Variants in MICAL3 observed in about 807,000 individuals in gnomAD.
The protein encoded by MICAL3 is microtubule associated monooxygenase, calponin and LIM domain containing 3, also known as [F-actin]-monooxygenase MICAL3.
In MICAL3, 62 loss-of-function variants were observed where a neutral mutation model predicts 207.4. That is an observed-to-expected ratio of 0.30 (90% CI 0.24 to 0.37). The LOEUF (loss-of-function observed/expected upper bound fraction) is 0.37. MICAL3 is among the 10% of genes least tolerant of loss of function. The probability of loss-of-function intolerance (pLI) is 1.00; values close to 1 mark genes in which losing one functional copy is unlikely to be tolerated. For missense variants in MICAL3, 2,368 were observed against 2,635.6 expected, an observed-to-expected ratio of 0.90 and a Z score of 2.22; for synonymous variants, 1,077 against 1,069.3, an observed-to-expected ratio of 1.01 and a Z score of -0.14.
chr22:17,799,570 C>T (rs563166902), intron 29 of MICAL3, among the ~76,000 whole-genome samples: 1 of 152,358 alleles, frequency 6.6e-6, no homozygotes, highest in East Asian at 1.9e-4. Flanking sequence ...GTCCCCAACC[C>T]AGGAAGCCTA....
intron 20 of MICAL3, among the ~76,000 whole-genome samples, chr22:17,833,393 A>G (rs904899186): frequency 2.0e-5 from 3 of 152,260 alleles, no homozygotes; most frequent in African/African-American, 7.2e-5. Flanking sequence ...AAGAAGCATC[A>G]GGCACGAGAG....
At position 17,851,693 on chromosome 22, in the gene MICAL3, G is replaced by A. The variant is rs57833367; in HGVS notation, c.2606-9676C>T. ...TCCCCAAGAACAAATGGGAACGGCC[G>A]CCTCATGAAAAGGGCAAGTCTACCA... On this transcript the variant is annotated intron_variant, in intron 19 of 31. Coordinates refer to ENST00000441493, the MANE Select transcript of MICAL3 (RefSeq NM_015241.3). 3.0e-3 allele frequency among the ~76,000 whole-genome samples: 456 copies of A among 152,312 alleles called. 4 individuals are homozygous for A. Among genetic ancestry groups the A allele is most frequent in the African/African-American group, 0.011 (441 of 41,554 alleles).
intron 19 of MICAL3, chr22:17,863,930 T>C (rs1430307506): frequency 3.5e-5 from 34 of 985,338 alleles, no homozygotes; most frequent in Non-Finnish European, 4.1e-5. Flanking sequence ...GAGATACATG[T>C]GTTTTGAACA....
chr22:17,961,974 A>G lies in MICAL3; in HGVS notation c.-74-55088T>C, dbSNP rs538856487. On this transcript the variant is annotated intron_variant, in intron 1 of 31. Transcript: ENST00000441493. ...TTTCCTAGGCAAATCCATACAACCT[A>G]TTCCCTAAACATTCAAACTAAGACA... 6.3e-4 allele frequency among the ~76,000 whole-genome samples: 96 copies of G among 152,348 alleles called. 1 individual carries two copies. Among genetic ancestry groups the G allele is most frequent in the African/African-American group, 2.2e-3 (91 of 41,582 alleles).
chr22:17,995,660 C>T (rs1185653009), intron 1 of MICAL3, among the ~76,000 whole-genome samples: 1 of 151,750 alleles, frequency 6.6e-6, no homozygotes. Flanking sequence ...TGTGCAACAC[C>T]CACACCTGGC....
chr22:18,020,222 G>C (rs1250778480), intron 1 of MICAL3: 2 of 152,892 alleles, frequency 1.3e-5, no homozygotes, highest in African/African-American at 4.8e-5. Flanking sequence ...CAAAACCTGA[G>C]GACACTGGGA....
chr22:17,889,366 C>G, intron 12 of MICAL3, 136 bp from the exon 13 acceptor site: 1 of 555,454 alleles, frequency 1.8e-6, no homozygotes, highest in Non-Finnish European at 3.1e-6. Flanking sequence ...CATTTGAGAG[C>G]AAACCTGTCT....
chr22:17,875,723 C>T (rs1026216134), intron 16 of MICAL3, among the ~76,000 whole-genome samples: 47 of 147,094 alleles, frequency 3.2e-4, no homozygotes, highest in African/African-American at 1.1e-3. Context: ...GAAGCATAAG[C>T]GGCCCATGCA....
At chr22:17,842,674 G>A (rs1180133631) in intron 19 of MICAL3, among the ~76,000 whole-genome samples, 3 of 152,250 alleles carry the variant, frequency 2.0e-5, no homozygotes, top group African/African-American at 4.8e-5. Context: ...GCCTCTCTGC[G>A]ATGCACAGGC....
At chr22:17,974,085 C>A (rs915418434) in intron 1 of MICAL3, among the ~76,000 whole-genome samples, 1 of 152,174 alleles carries the variant, frequency 6.6e-6, no homozygotes, top group African/African-American at 2.4e-5. Context: ...TGCCAAAATT[C>A]CAGGCTCAGG....
At chr22:17,805,343 C>T (rs977920801) in intron 29 of MICAL3, among the ~76,000 whole-genome samples, 3 of 151,500 alleles carry the variant, frequency 2.0e-5, no homozygotes, top group African/African-American at 7.3e-5. Context: ...CAAGGAGGGG[C>T]AGGGCCACGG....
chr22:17,858,795 C>T (rs1183521971), intron 19 of MICAL3, among the ~76,000 whole-genome samples: 1 of 152,210 alleles, frequency 6.6e-6, no homozygotes, highest in African/African-American at 2.4e-5. Flanking sequence ...TTGGGTGTCC[C>T]CACCTTCCTG....
chr22:17,810,002 C>T (rs941311490), intron 28 of MICAL3, among the ~76,000 whole-genome samples: 1 of 151,460 alleles, frequency 6.6e-6, no homozygotes, highest in Non-Finnish European at 1.5e-5. Context: ...GATTCTCGTG[C>T]CTCAGCCTCC....
At position 17,827,648 on chromosome 22, in the gene MICAL3, G is replaced by A. The variant is rs747550648; in HGVS notation, c.3189C>T (p.Ser1063=). ...RMAPASESSA[S]GAPLDENDLE... ...CCTGGGGCTGGGAGTGTTTACCTCC[G>A]GAAGCAGAGGACTCAGAGGCCGGCG... The change falls in exon 22 of 32, where the codon TCC becomes TCT. Residue 1063 remains serine, a synonymous_variant. Coordinates refer to ENST00000441493, the MANE Select transcript of MICAL3 (RefSeq NM_015241.3). 34 of 1,565,804 alleles carry A rather than the reference G, an allele frequency of 2.2e-5. No homozygotes were observed. The highest frequency in any genetic ancestry group is 5.6e-5 in the Admixed American group (3 of 53,714).
chr22:17,840,633 A>G (rs1923916093), intron 20 of MICAL3: 2 of 152,280 alleles, frequency 1.3e-5, no homozygotes, highest in Admixed American at 6.5e-5. Context: ...CACTCAGCCC[A>G]AGGTCAAGCC....
intron 1 of MICAL3, among the ~76,000 whole-genome samples, chr22:17,933,101 C>T (rs931785237): frequency 1.3e-5 from 2 of 152,160 alleles, no homozygotes; most frequent in Admixed American, 1.3e-4. Context: ...GACCTGAACT[C>T]GGCTCTGCAC....
intron 19 of MICAL3, among the ~76,000 whole-genome samples, chr22:17,842,965 CA>C (rs1166390503): frequency 1.2e-4 from 18 of 152,072 alleles, no homozygotes; most frequent in African/African-American, 4.3e-4. Context: ...ACTAAAAATA[CA>C]AAAAATTAAC....
At chr22:17,856,685 A>ATG (rs1925940687) in intron 19 of MICAL3, among the ~76,000 whole-genome samples, 1 of 137,832 alleles carries the variant, frequency 7.3e-6, no homozygotes, top group Non-Finnish European at 1.5e-5. Flanking sequence ...GCAGTGGCGC[A>ATG]ATCTCGGCTC....
At chr22:18,008,733 T>C (rs1466185935) in intron 1 of MICAL3, among the ~76,000 whole-genome samples, 1 of 152,166 alleles carries the variant, frequency 6.6e-6, no homozygotes, top group Non-Finnish European at 1.5e-5. Context: ...ATCTTTTACT[T>C]TTTAACTAAT....
Sources: allele counts gnomAD v4.1 joint callset (sites outside exome capture counted in the v4.1 genomes callset), GRCh38; gene constraint gnomAD v4.1.1; transcripts MANE v1.5; gene names NCBI Gene and HGNC (gene_info 2026-07-23, HGNC 2026-07-21).